OPHN1: variants seen among roughly 807,000 people sequenced by gnomAD.
OPHN1 encodes the protein oligophrenin 1, also known as oligophrenin-1.
OPHN1 carries 11 observed loss-of-function variants against 60.7 expected under a neutral mutation model. The ratio of observed to expected loss-of-function variants is 0.18; its 90% confidence interval spans 0.11 to 0.30. The LOEUF (loss-of-function observed/expected upper bound fraction) is 0.30. Among genes scored for constraint, OPHN1 ranks in the 10% least tolerant of loss-of-function variants. The pLI, the probability that OPHN1 is intolerant of heterozygous loss-of-function variation, is 1.00. For missense variants in OPHN1, 449 were observed against 611.0 expected, an observed-to-expected ratio of 0.73 and a Z score of 2.80; for synonymous variants, 226 against 222.6, an observed-to-expected ratio of 1.02 and a Z score of -0.14.
chrX:68,212,736 A>G (rs1053717385), intron 7 of OPHN1, among the ~76,000 whole-genome samples: 3 of 112,538 alleles, frequency 2.7e-5, no homozygotes, highest in Non-Finnish European at 5.6e-5. Context: ...TCAGAAAAAA[A>G]GAACTATTAA....
chrX:68,083,168 G>T (rs2076981617), intron 19 of OPHN1, among the ~76,000 whole-genome samples: 1 of 93,041 alleles, frequency 1.1e-5, no homozygotes, highest in Non-Finnish European at 2.1e-5. Context: ...CGCTTCCCGG[G>T]TTCACGCCAT....
At chrX:68,094,196 G>GA (rs887458852) in intron 19 of OPHN1, among the ~76,000 whole-genome samples, 1 of 110,805 alleles carries the variant, frequency 9.0e-6, no homozygotes, top group African/African-American at 3.3e-5. Context: ...GTACCTTCAT[G>GA]AAAAATAATC....
At chrX:68,298,194 G>C (rs1024711583) in intron 3 of OPHN1, among the ~76,000 whole-genome samples, 9 of 111,199 alleles carry the variant, frequency 8.1e-5, no homozygotes, top group African/African-American at 2.9e-4. Context: ...TTCTTAAATG[G>C]CCAGAAGATA....
intron 15 of OPHN1, among the ~76,000 whole-genome samples, chrX:68,141,362 A>T (rs1278010028): frequency 9.0e-6 from 1 of 111,730 alleles, no homozygotes; most frequent in African/African-American, 3.3e-5. Context: ...TTATAATACT[A>T]AGGAAAAAGA....
At chrX:68,401,093 C>T (rs973052553) in intron 2 of OPHN1, among the ~76,000 whole-genome samples, 1 of 111,586 alleles carries the variant, frequency 9.0e-6, no homozygotes, top group Non-Finnish European at 1.9e-5. Flanking sequence ...CCTTTCACTT[C>T]CCACCAGGCA....
intron 2 of OPHN1, among the ~76,000 whole-genome samples, chrX:68,317,422 A>AGGAAGGAG (rs1569278228): frequency 1.7e-4 from 15 of 89,908 alleles, no homozygotes; most frequent in African/African-American, 6.4e-4. Flanking sequence ...GAAGGAAGGA[A>AGGAAGGAG]GGAGCGAGGG....
intron 8 of OPHN1, among the ~76,000 whole-genome samples, chrX:68,211,670 T>A (rs900857794): frequency 2.7e-5 from 3 of 112,284 alleles, no homozygotes; most frequent in Non-Finnish European, 3.8e-5. Flanking sequence ...CCTTTAAAAG[T>A]AATTTATGTG....
chrX:68,301,445 CAAAA>C (rs56927719), intron 2 of OPHN1, among the ~76,000 whole-genome samples: 1 of 35,370 alleles, frequency 2.8e-5, no homozygotes. Context: ...GACTCCATCT[CAAAA>C]AAAAAAAAAA....
chrX:68,279,752 A>C (rs757548168), intron 4 of OPHN1, among the ~76,000 whole-genome samples: 2 of 111,845 alleles, frequency 1.8e-5, no homozygotes, highest in Admixed American at 1.9e-4. Context: ...TCCTGGAATT[A>C]AGTGGGAAAT....
At chrX:68,106,667 G>C (rs2077083185) in intron 18 of OPHN1, among the ~76,000 whole-genome samples, 1 of 111,435 alleles carries the variant, frequency 9.0e-6, no homozygotes, top group African/African-American at 3.3e-5. Context: ...CTGGATAACT[G>C]AGAACCTCAA....
At chrX:68,402,367 A>AAGG (rs2147768395) in intron 2 of OPHN1, among the ~76,000 whole-genome samples, 3 of 90,566 alleles carry the variant, frequency 3.3e-5, no homozygotes, top group Non-Finnish European at 6.8e-5. Context: ...GGAGAAGGAG[A>AAGG]AGAAGAAGAA....
intron 6 of OPHN1, among the ~76,000 whole-genome samples, chrX:68,230,985 G>GA (rs1409478920): frequency 6.3e-5 from 7 of 111,125 alleles, no homozygotes; most frequent in South Asian, 3.8e-4. Flanking sequence ...CTGGTTCTTT[G>GA]AAAAAAATCA....
chrX:68,171,633 G>A (rs2077391981), intron 15 of OPHN1, among the ~76,000 whole-genome samples: 1 of 110,974 alleles, frequency 9.0e-6, no homozygotes, highest in Non-Finnish European at 1.9e-5. Context: ...CTACTTGGGA[G>A]GCTGAGGCAG....
At chrX:68,320,030 T>C (rs1448547579) in intron 2 of OPHN1, among the ~76,000 whole-genome samples, 1 of 110,568 alleles carries the variant, frequency 9.0e-6, no homozygotes, top group Non-Finnish European at 1.9e-5. Flanking sequence ...ATAGTCAACA[T>C]AAATAGCTGA....
chrX:68,133,830 T>C (rs181013980), intron 15 of OPHN1, among the ~76,000 whole-genome samples: 1 of 111,763 alleles, frequency 8.9e-6, no homozygotes, highest in Admixed American at 9.5e-5. Flanking sequence ...TGCAATTTTT[T>C]TTTGATCTTG....
At chrX:68,225,445 G>C (rs1321560765) in intron 6 of OPHN1, among the ~76,000 whole-genome samples, 1 of 112,207 alleles carries the variant, frequency 8.9e-6, no homozygotes, top group Non-Finnish European at 1.9e-5. Context: ...CCTGACCCCT[G>C]AGTAGCCTAA....
At chrX:68,164,552 G>A (rs957331158) in intron 15 of OPHN1, among the ~76,000 whole-genome samples, 1 of 111,650 alleles carries the variant, frequency 9.0e-6, no homozygotes, top group Non-Finnish European at 1.9e-5. Context: ...TCAGTAAATC[G>A]TGCTGTAAAC....
At chrX:68,241,443 G>C (rs2077779760) in intron 5 of OPHN1, among the ~76,000 whole-genome samples, 1 of 111,807 alleles carries the variant, frequency 8.9e-6, no homozygotes, top group African/African-American at 3.2e-5. Context: ...GGAACATTAT[G>C]AGTCATTACA....
chrX:68,311,535 C>T (rs1017224556), intron 2 of OPHN1, among the ~76,000 whole-genome samples: 1 of 111,181 alleles, frequency 9.0e-6, no homozygotes, highest in Admixed American at 9.6e-5. Flanking sequence ...TGGGTTTAAT[C>T]GATTCTCCTG....
Sources: allele counts gnomAD v4.1 joint callset (sites outside exome capture counted in the v4.1 genomes callset), GRCh38; gene constraint gnomAD v4.1.1; transcripts MANE v1.5; gene names NCBI Gene and HGNC (gene_info 2026-07-23, HGNC 2026-07-21).